Variants in AFAP1 observed in about 807,000 individuals in gnomAD.
AFAP1 encodes the protein actin filament associated protein 1.
Under a neutral mutation model 93.9 loss-of-function variants are expected in AFAP1, and 75 were observed. The observed-to-expected ratio is 0.80, with a 90% CI of 0.66 to 0.97. AFAP1 has a LOEUF of 0.97. Among genes scored for constraint, AFAP1 ranks in the 50% least tolerant of loss-of-function variants. The pLI, the probability that AFAP1 is intolerant of heterozygous loss-of-function variation, is 0.00. For missense variants in AFAP1, 1,201 were observed against 1,050.8 expected (o/e 1.14, Z -1.98); for synonymous variants, 517 against 430.7 (o/e 1.20, Z -2.48).
At chr4:7,867,243 A>T (rs962994316) in intron 3 of AFAP1, among the ~76,000 whole-genome samples, 1 of 152,120 alleles carries the variant, frequency 6.6e-6, no homozygotes, top group African/African-American at 2.4e-5. Context: ...TGAAGGCTAA[A>T]GTTTGAGAAG....
At chr4:7,828,255 G>A (rs13148226) in intron 6 of AFAP1, among the ~76,000 whole-genome samples, 82,233 of 151,870 alleles carry the variant, frequency 0.54, 23,036 homozygotes, top group Non-Finnish European at 0.58. Flanking sequence ...TCGCCCCCAC[G>A]CCCCCCGGCT....
At chr4:7,892,664 G>C (rs1277442791) in intron 1 of AFAP1, among the ~76,000 whole-genome samples, 2 of 152,156 alleles carry the variant, frequency 1.3e-5, no homozygotes, top group Non-Finnish European at 2.9e-5. Context: ...GGGTAGAGTG[G>C]AGACAGCAGC....
At chr4:7,858,822 A>C (rs1170820125) in intron 3 of AFAP1, among the ~76,000 whole-genome samples, 1 of 152,226 alleles carries the variant, frequency 6.6e-6, no homozygotes, top group Non-Finnish European at 1.5e-5. Flanking sequence ...CCCAGCTCTG[A>C]GAGTCCAATT....
rs746059627 is a variant in AFAP1, at chr4:7,871,954, T to C, written c.125A>G (p.Lys42Arg). 1 of 1,614,186 alleles carries C rather than the reference T, an allele frequency of 6.2e-7. No individual in the cohort carries two copies. Among genetic ancestry groups the C allele is most frequent in the South Asian group, 1.1e-5 (1 of 91,072 alleles). The change falls in exon 2 of 18, where the codon AAA becomes AGA. Residue 42 changes from lysine to arginine, a missense_variant and splice_region_variant. Transcript: ENST00000420658. ...TNILLRIQSS[K>R]GFDVKDHAQK... ...GCAGGCGTCAGAATGAGACTCACCT[T>C]TGGATGACTGTATTCTTAGCAGAAT...
intron 4 of AFAP1, among the ~76,000 whole-genome samples, chr4:7,851,068 C>T (rs1177653292): frequency 6.6e-6 from 1 of 152,222 alleles, no homozygotes; most frequent in Non-Finnish European, 1.5e-5. Context: ...TTGGTATGGA[C>T]ACTCTGGCAG....
chr4:7,907,681 T>C (rs1577350758), intron 1 of AFAP1, among the ~76,000 whole-genome samples: 1 of 152,174 alleles, frequency 6.6e-6, no homozygotes, highest in East Asian at 1.9e-4. Flanking sequence ...GCTCAGATTT[T>C]GGATTTTTGA....
intron 12 of AFAP1, among the ~76,000 whole-genome samples, chr4:7,782,734 G>A (rs1036890776): frequency 3.3e-5 from 5 of 152,164 alleles, no homozygotes; most frequent in African/African-American, 1.2e-4. Context: ...AGTCCTTTCT[G>A]CCAGACGGTA....
chr4:7,850,896 C>T (rs1336209839), intron 4 of AFAP1, among the ~76,000 whole-genome samples: 2 of 152,246 alleles, frequency 1.3e-5, no homozygotes, highest in East Asian at 1.9e-4. Flanking sequence ...CTGCGCTTCA[C>T]GGCCAGCTTT....
chr4:7,842,147 T>C (rs1361840344), intron 5 of AFAP1, among the ~76,000 whole-genome samples: 1 of 152,058 alleles, frequency 6.6e-6, no homozygotes, highest in Non-Finnish European at 1.5e-5. Context: ...TTTTGGCACA[T>C]TCTAAATCTG....
intron 1 of AFAP1, among the ~76,000 whole-genome samples, chr4:7,878,048 A>G (rs1381081289): frequency 2.0e-5 from 3 of 152,200 alleles, no homozygotes; most frequent in Non-Finnish European, 4.4e-5. Flanking sequence ...GGCATGGCGT[A>G]CCAAAATCTC....
chr4:7,772,515 T>C (rs1271967660), intron 16 of AFAP1: 1 of 284,462 alleles, frequency 3.5e-6, no homozygotes. Context: ...CATCAAATCA[T>C]GACCTGGTTC....
At chr4:7,917,988 A>T (rs1304498237) in intron 1 of AFAP1, among the ~76,000 whole-genome samples, 1 of 152,236 alleles carries the variant, frequency 6.6e-6, no homozygotes, top group African/African-American at 2.4e-5. Context: ...TGTCTTTGGT[A>T]ACTCACCAGC....
rs531684652 is a variant in AFAP1, at chr4:7,801,914, CAAAAAAAA to C, written c.1055-1269_1055-1262del. Among the ~76,000 whole-genome samples the C allele has an allele frequency of 5.9e-3, 382 of 65,208 alleles. 3 individuals are homozygous for C. The highest frequency in any genetic ancestry group is 0.021 in the African/African-American group (349 of 16,592). 42.8% of individuals were successfully genotyped at this position (65,208 alleles called of 152,430 possible). On this transcript the variant is annotated intron_variant, in intron 9 of 17. Transcript: ENST00000420658. ...TGAGCAACACAGTGAGACCCTATCA[CAAAAAAAA>C]AAAAAAAAAAAAAAAAAAAACTAAT...
At chr4:7,917,414 G>C (rs1187934545) in intron 1 of AFAP1, among the ~76,000 whole-genome samples, 3 of 152,188 alleles carry the variant, frequency 2.0e-5, no homozygotes, top group Non-Finnish European at 4.4e-5. Flanking sequence ...AGTGTTATTA[G>C]TGACTACCCC....
chr4:7,925,912 A>G (rs766151358), intron 1 of AFAP1, among the ~76,000 whole-genome samples: 1 of 152,194 alleles, frequency 6.6e-6, no homozygotes, highest in Non-Finnish European at 1.5e-5. Flanking sequence ...AACTTCTCTA[A>G]GCCTCTATCT....
chr4:7,873,342 C>CTT (rs1158765422), intron 1 of AFAP1, among the ~76,000 whole-genome samples: 5,152 of 50,986 alleles, frequency 0.1, 2,290 homozygotes, highest in East Asian at 0.31. Flanking sequence ...GAAGACACAC[C>CTT]TTTTTTTTTT....
chr4:7,786,061 T>TG, intron 12 of AFAP1, 133 bp downstream of exon 12: 1 of 728,184 alleles, frequency 1.4e-6, no homozygotes. Flanking sequence ...AGAGATGAGA[T>TG]GGAGTCTCCT....
At chr4:7,857,338 A>G (rs573564998) in intron 3 of AFAP1, among the ~76,000 whole-genome samples, 22 of 152,294 alleles carry the variant, frequency 1.4e-4, no homozygotes, top group Admixed American at 1.0e-3. Flanking sequence ...CTAATCACCC[A>G]CTGCAGATTC....
chr4:7,937,676 G>A (rs1390846625), intron 1 of AFAP1, among the ~76,000 whole-genome samples: 5 of 151,986 alleles, frequency 3.3e-5, no homozygotes, highest in African/African-American at 7.3e-5. Flanking sequence ...TAGTAGAGAC[G>A]GGGTTTCACC....
Sources: allele counts gnomAD v4.1 joint callset (sites outside exome capture counted in the v4.1 genomes callset), GRCh38; gene constraint gnomAD v4.1.1; transcripts MANE v1.5; gene names NCBI Gene and HGNC (gene_info 2026-07-23, HGNC 2026-07-21).